The following PRLR variants were observed in gnomAD, a reference collection of about 807,000 sequenced individuals.
The protein encoded by PRLR is hPRL receptor.
In PRLR, 13 loss-of-function variants were observed where a neutral mutation model predicts 40.2. The ratio of observed to expected loss-of-function variants is 0.32; its 90% CI spans 0.21 to 0.51. PRLR has a LOEUF of 0.51. PRLR is among the 20% of genes least tolerant of loss of function. The pLI is 0.97. For missense variants in PRLR, 656 were observed against 747.3 expected (o/e 0.88, Z 1.42); for synonymous variants, 269 against 278.7 (o/e 0.97, Z 0.35).
At chr5:35,095,263 T>C (rs1161468300) in intron 2 of PRLR, among the ~76,000 whole-genome samples, 8 of 152,200 alleles carry the variant, frequency 5.3e-5, no homozygotes, top group Non-Finnish European at 1.2e-4. Context: ...AAGACTGTTA[T>C]ACAAGCTCTG....
chr5:35,133,233 T>G (rs1773741816), intron 1 of PRLR, among the ~76,000 whole-genome samples: 1 of 152,196 alleles, frequency 6.6e-6, no homozygotes, highest in Non-Finnish European at 1.5e-5. Flanking sequence ...CTGGCTTTCC[T>G]GGGGCTCCAG....
intron 1 of PRLR, among the ~76,000 whole-genome samples, chr5:35,141,992 T>C (rs1245153000): frequency 3.9e-5 from 6 of 152,218 alleles, no homozygotes; most frequent in East Asian, 1.9e-4. Flanking sequence ...CATAACTCAA[T>C]AGCTATTCAT....
downstream of PRLR, among the ~76,000 whole-genome samples, chr5:35,053,421 G>A (rs190548448): frequency 9.2e-5 from 14 of 152,314 alleles, no homozygotes; most frequent in Admixed American, 7.8e-4. Context: ...GGGAGGCCGA[G>A]GCCGGCGGAT....
At chr5:35,189,132 G>A (rs146462333) in intron 1 of PRLR, among the ~76,000 whole-genome samples, 1 of 152,148 alleles carries the variant, frequency 6.6e-6, no homozygotes, top group Non-Finnish European at 1.5e-5. Context: ...AGCAGAGATC[G>A]ATGGTGCTTC....
At chr5:35,219,404 A>G (rs553375282) in intron 1 of PRLR, among the ~76,000 whole-genome samples, 10 of 152,346 alleles carry the variant, frequency 6.6e-5, no homozygotes, top group Middle Eastern at 3.4e-3. Context: ...TAATAAGAGT[A>G]CACACTTTTT....
chr5:35,071,312 A>AG (rs149236776), intron 6 of PRLR, among the ~76,000 whole-genome samples: 15,711 of 152,226 alleles, frequency 0.1, 1,328 homozygotes, highest in African/African-American at 0.23. Context: ...CTGAAACTGA[A>AG]GGATATAACG....
rs188032777 is a variant in PRLR, at chr5:35,107,878, G to T, written c.-44+10183C>A. ...AATCCTCCCTAACTCATTTCATGAG[G>T]CCAGCATCATCCTGATACCAAATCC... On this transcript the variant is annotated intron_variant, in intron 2 of 9. Coordinates refer to ENST00000618457, the MANE Select transcript of PRLR (RefSeq NM_000949.7). Among the ~76,000 whole-genome samples, 7 of 152,280 alleles carry T rather than the reference G, an allele frequency of 4.6e-5. No individual in the cohort carries two copies. The East Asian group carries it at 1.3e-3, about 29-fold the overall frequency.
chr5:35,136,342 C>G (rs1201287026), intron 1 of PRLR, among the ~76,000 whole-genome samples: 3 of 152,190 alleles, frequency 2.0e-5, no homozygotes, highest in African/African-American at 7.2e-5. Flanking sequence ...GAAGAGGCTT[C>G]CTCAGCCTCA....
rs1013826820 is a variant in PRLR at position 35,122,288 on chromosome 5, G to T, written c.-105-4166C>A. Among the ~76,000 whole-genome samples, 3 of 152,006 alleles carry T rather than the reference G, an allele frequency of 2.0e-5. No homozygotes were observed. The East Asian group carries it at 5.8e-4, about 29-fold the overall frequency. On this transcript the variant is annotated intron_variant, in intron 1 of 9. Coordinates refer to ENST00000618457, the MANE Select transcript of PRLR (RefSeq NM_000949.7). ...TGGGGTACATGCTCAGGGTGTGCAG[G>T]TTTGTTACATAGGTAAACATGTGCC...
intron 1 of PRLR, among the ~76,000 whole-genome samples, chr5:35,186,575 G>C (rs938715547): frequency 2.6e-5 from 4 of 152,168 alleles, no homozygotes; most frequent in African/African-American, 7.2e-5. Context: ...ATGACCCTGA[G>C]AGGTGCTGGT....
chr5:35,109,608 A>G (rs868437833), intron 2 of PRLR, among the ~76,000 whole-genome samples: 58 of 152,344 alleles, frequency 3.8e-4, no homozygotes, highest in African/African-American at 1.3e-3. Context: ...CAACAGACAC[A>G]TGAAAAAATG....
chr5:35,161,821 C>T (rs1561341456), intron 1 of PRLR, among the ~76,000 whole-genome samples: 1 of 152,198 alleles, frequency 6.6e-6, no homozygotes, highest in African/African-American at 2.4e-5. Context: ...CCCAGATACA[C>T]GTTGGAAAAT....
chr5:35,072,777 A>ATTGC, intron 5 of PRLR, 33 bp from the exon 6 acceptor site: 4 of 1,602,098 alleles, frequency 2.5e-6, no homozygotes, highest in Non-Finnish European at 3.4e-6. Flanking sequence ...AGTAGCACTC[A>ATTGC]TTGCTTGCAC....
chr5:35,216,151 T>C (rs1484218424), intron 1 of PRLR, among the ~76,000 whole-genome samples: 2 of 152,112 alleles, frequency 1.3e-5, no homozygotes, highest in Non-Finnish European at 2.9e-5. Flanking sequence ...AATTGTAGTA[T>C]TACACAGGCA....
At chr5:35,103,616 T>C (rs983876648) in intron 2 of PRLR, among the ~76,000 whole-genome samples, 3 of 152,208 alleles carry the variant, frequency 2.0e-5, no homozygotes, top group Admixed American at 2.0e-4. Flanking sequence ...TGTTAGTCAA[T>C]TTCTTTTTAT....
Position 35,065,421 on chromosome 5 carries a change from G to A in PRLR, c.1537C>T (p.His513Tyr), listed in dbSNP as rs1218216648. The A allele has an allele frequency of 6.2e-7, 1 of 1,614,114 alleles. No individual in the cohort carries two copies. Among genetic ancestry groups the A allele is most frequent in the East Asian group, 2.2e-5 (1 of 44,856 alleles). ...SAKPLDYVEI[H>Y]KVNKDGALSL... Reference sequence around the variant, plus strand: ...AATGCACCATCTTTGTTGACCTTGTGAATCTCCACATAATCCAAGGGTTTA... The same window carrying A: ...AATGCACCATCTTTGTTGACCTTGTAAATCTCCACATAATCCAAGGGTTTA... The change falls in exon 10 of 10, where the codon CAC (histidine) becomes TAC (tyrosine). Residue 513 changes from histidine (H) to tyrosine (Y), a missense_variant. By Grantham distance (83) the His-to-Tyr change is moderately conservative. Coordinates refer to ENST00000618457, the MANE Select transcript of PRLR (RefSeq NM_000949.7).
chr5:35,075,203 T>C (rs1313558122), intron 5 of PRLR, among the ~76,000 whole-genome samples: 2 of 152,100 alleles, frequency 1.3e-5, no homozygotes, highest in Admixed American at 1.3e-4. Context: ...GGACAGTGGG[T>C]GCAGTCCATG....
Position 35,086,259 on chromosome 5 carries a change from C to T in PRLR, c.152G>A (p.Gly51Glu), listed in dbSNP as rs1400300435. The change falls in exon 4 of 10, where the codon GGG (glycine) becomes GAG (glutamate). Residue 51 changes from glycine (G) to glutamate (E), a missense_variant. Gly to Glu is a moderately conservative substitution (Grantham distance 98). This residue lies in a region of PRLR where 180 missense variants were observed against 236.8 expected (regional missense o/e 0.76). Transcript: ENST00000618457. ...KETFTCWWRP[G>E]TDGGLPTNYS... ...ATTGGTAGGAAGTCCTCCATCTGTC[C>T]CAGGCCTCCACCAGCAGGTGAATGT... 10 of 1,613,920 alleles carry T rather than the reference C, an allele frequency of 6.2e-6. No homozygotes were observed. Among genetic ancestry groups the T allele is most frequent in the Non-Finnish European group, 8.5e-6 (10 of 1,179,984 alleles).
chr5:35,116,929 G>C (rs1469572051), intron 2 of PRLR, among the ~76,000 whole-genome samples: 1 of 152,190 alleles, frequency 6.6e-6, no homozygotes, highest in East Asian at 1.9e-4. Context: ...TCCCCACCTG[G>C]AAGACATTTG....
Sources: allele counts gnomAD v4.1 joint callset (sites outside exome capture counted in the v4.1 genomes callset), GRCh38; gene constraint gnomAD v4.1.1; regional missense constraint gnomAD v4.1.1; transcripts MANE v1.5; gene names NCBI Gene and HGNC (gene_info 2026-07-23, HGNC 2026-07-21).